Variants in NTRK3 observed in about 807,000 individuals in gnomAD.
NTRK3 encodes the protein NT-3 growth factor receptor.
A neutral mutation model predicts 91.7 loss-of-function variants in NTRK3; 24 were observed. The ratio of observed to expected loss-of-function variants is 0.26; its 90% confidence interval spans 0.19 to 0.37. NTRK3 has a LOEUF of 0.37. NTRK3 is among the 10% of genes least tolerant of loss of function. The pLI is 1.00. For synonymous variants in NTRK3, 483 were observed against 404.0 expected (o/e 1.20, Z -2.34); for missense variants, 880 against 1,068.9 (o/e 0.82, Z 2.46).
intron 13 of NTRK3, among the ~76,000 whole-genome samples, chr15:88,069,697 T>TCCA (rs2046945740): frequency 6.6e-6 from 1 of 152,178 alleles, no homozygotes; most frequent in Admixed American, 6.5e-5. Context: ...ACAGAACACG[T>TCCA]AGGATTTTGC....
At chr15:87,899,516 T>A (rs1001826985) in intron 17 of NTRK3, among the ~76,000 whole-genome samples, 2 of 151,986 alleles carry the variant, frequency 1.3e-5, no homozygotes, top group African/African-American at 4.8e-5. Flanking sequence ...AGAGGTAATA[T>A]CTACTACTTC....
At chr15:88,032,876 G>A (rs770184627) in exon 14 of NTRK3, 1 of 1,613,846 alleles carries the variant, frequency 6.2e-7, no homozygotes, top group South Asian at 1.1e-5. Flanking sequence ...GCTTGTGGCA[G>A]TTGTGTCCCT....
At chr15:87,988,137 A>G (rs1490588817) in intron 14 of NTRK3, among the ~76,000 whole-genome samples, 1 of 152,188 alleles carries the variant, frequency 6.6e-6, no homozygotes, top group Non-Finnish European at 1.5e-5. Context: ...CATCAGTGTT[A>G]AGTCATGTGA....
At chr15:88,127,314 C>A (rs755063082) in intron 11 of NTRK3, 88 bp from the exon 12 acceptor site, 2 of 1,062,556 alleles carry the variant, frequency 1.9e-6, no homozygotes, top group Non-Finnish European at 2.9e-6. Context: ...CCCAAGCTCC[C>A]TTGAGACTTC....
At chr15:88,016,898 T>A (rs2077270074) in intron 14 of NTRK3, among the ~76,000 whole-genome samples, 1 of 138,698 alleles carries the variant, frequency 7.2e-6, no homozygotes, top group Admixed American at 7.9e-5. Context: ...GTATAAATTA[T>A]CCCAGGGAAG....
At position 88,122,822 on chromosome 15, in the gene NTRK3, T is replaced by A. The variant is rs528962750; in HGVS notation, c.1396+3449A>T. 7.2e-5 allele frequency among the ~76,000 whole-genome samples: 11 copies of A among 152,328 alleles called. No individual in the cohort carries two copies. The South Asian group carries it at 2.1e-3, about 29-fold the overall frequency. The stretch of plus-strand genomic sequence containing the variant: ...CAATTAACTCTAACTAGCCCATTGT[T>A]AATTTATAAGCTGTACTTTTTTTAT... On this transcript the variant is annotated intron_variant, in intron 13 of 18. Transcript: ENST00000394480.
chr15:87,880,469 G>C (rs981687072), intron 17 of NTRK3, 41 bp from the exon 19 acceptor site: 6 of 1,603,774 alleles, frequency 3.7e-6, no homozygotes, highest in Non-Finnish European at 4.3e-6. Flanking sequence ...GTGACCAGAT[G>C]GCCAGAATGA....
At chr15:88,035,473 C>T (rs764388202) in intron 13 of NTRK3, among the ~76,000 whole-genome samples, 5 of 152,220 alleles carry the variant, frequency 3.3e-5, no homozygotes, top group Non-Finnish European at 5.9e-5. Context: ...TTAGAGAATA[C>T]ATCTCTGGAT....
chr15:88,048,971 A>G (rs7163925), intron 13 of NTRK3, among the ~76,000 whole-genome samples: 78,411 of 152,062 alleles, frequency 0.52, 23,154 homozygotes, highest in African/African-American at 0.83. Flanking sequence ...GTAACCTCCC[A>G]CTACCCTACA....
intron 13 of NTRK3, among the ~76,000 whole-genome samples, chr15:88,124,260 T>A (rs1319906425): frequency 1.3e-5 from 2 of 152,140 alleles, no homozygotes; most frequent in Non-Finnish European, 2.9e-5. Flanking sequence ...TCCACCTACG[T>A]GGACATGTTC....
chr15:88,235,978 T>A lies in NTRK3; in HGVS notation c.248+19928A>T, dbSNP rs2051688507. Among the ~76,000 whole-genome samples, 1 of 152,168 alleles carries A rather than the reference T, an allele frequency of 6.6e-6. No individual in the cohort carries two copies. The highest frequency in any genetic ancestry group is 1.5e-5 in the Non-Finnish European group (1 of 68,030). On this transcript the variant is annotated intron_variant, in intron 3 of 18. Coordinates refer to ENST00000394480, the Ensembl canonical transcript of NTRK3. This position sits in a 1 kb window ranked among gnomAD's most constrained non-coding sequence, Gnocchi z 5.2. Reference sequence around the variant, plus strand: ...ATAAATGTGTCTCTCCTAACCCAGATTAATCAAAAACAGTCCTAGAGTGTA... The same window carrying A: ...ATAAATGTGTCTCTCCTAACCCAGAATAATCAAAAACAGTCCTAGAGTGTA...
At chr15:88,022,583 G>A (rs2077680711) in intron 14 of NTRK3, among the ~76,000 whole-genome samples, 2 of 152,120 alleles carry the variant, frequency 1.3e-5, no homozygotes, top group African/African-American at 4.8e-5. Flanking sequence ...AACATGCCAG[G>A]AAGACAAGTA....
At chr15:87,945,575 C>T (rs372939802) in intron 14 of NTRK3, among the ~76,000 whole-genome samples, 1 of 152,310 alleles carries the variant, frequency 6.6e-6, no homozygotes. Context: ...CTCATCCTAC[C>T]TCTGTTCCCC....
intron 14 of NTRK3, chr15:87,978,619 C>G (rs1478148597): frequency 1.3e-5 from 3 of 231,116 alleles, no homozygotes; most frequent in Non-Finnish European, 1.7e-5. Flanking sequence ...AGAAACTCTC[C>G]TCTGCAAGGA....
chr15:88,124,784 G>C (rs1022035630), intron 13 of NTRK3, among the ~76,000 whole-genome samples: 2 of 152,168 alleles, frequency 1.3e-5, no homozygotes, highest in Non-Finnish European at 2.9e-5. Context: ...GTCTGATTTT[G>C]TTTAAGTCAT....
intron 3 of NTRK3, among the ~76,000 whole-genome samples, chr15:88,196,320 C>T (rs940229118): frequency 6.6e-6 from 1 of 152,132 alleles, no homozygotes; most frequent in Non-Finnish European, 1.5e-5. Flanking sequence ...ATTTGTGATG[C>T]CTGGCCCTCT....
At chr15:87,900,115 G>T (rs1476068186) in intron 17 of NTRK3, among the ~76,000 whole-genome samples, 1 of 152,162 alleles carries the variant, frequency 6.6e-6, no homozygotes, top group East Asian at 1.9e-4. Flanking sequence ...TAAAAGTGGG[G>T]ATTCAACTTG....
chr15:87,990,843 C>T (rs2075231116), intron 14 of NTRK3, among the ~76,000 whole-genome samples: 1 of 152,158 alleles, frequency 6.6e-6, no homozygotes, highest in Admixed American at 6.5e-5. Flanking sequence ...AATGATGGAG[C>T]AATGTCCCCC....
intron 17 of NTRK3, among the ~76,000 whole-genome samples, chr15:87,919,069 A>G (rs1435268839): frequency 1.3e-5 from 2 of 152,248 alleles, no homozygotes; most frequent in East Asian, 1.9e-4. Flanking sequence ...GTGGCAGACA[A>G]TAATGCTATT....
Sources: gnomAD v4.1 joint callset for allele counts (sites outside exome capture counted in the v4.1 genomes callset) on GRCh38, gnomAD v4.1.1 for gene constraint, Gnocchi (gnomAD v3.1) non-coding constraint, MANE v1.5 for transcripts, NCBI Gene and HGNC (gene_info 2026-07-23, HGNC 2026-07-21) for gene names.